FLNB: variants seen among roughly 807,000 people sequenced by gnomAD.
FLNB encodes filamin B.
Under a neutral mutation model 250.6 loss-of-function variants are expected in FLNB, and 111 were observed. The ratio of observed to expected loss-of-function variants is 0.44; its 90% confidence interval spans 0.38 to 0.52. The LOEUF (loss-of-function observed/expected upper bound fraction) is 0.52, where lower values mean the gene tolerates loss of function less well. FLNB is among the 20% of genes least tolerant of loss of function. The pLI is 0.00. For missense variants in FLNB, 2,869 were observed against 3,447.8 expected (o/e 0.83, Z 4.20); for synonymous variants, 1,302 against 1,372.1 (o/e 0.95, Z 1.13).
At chr3:58,061,772 A>G (rs2097178936) in intron 1 of FLNB, among the ~76,000 whole-genome samples, 2 of 150,280 alleles carry the variant, frequency 1.3e-5, no homozygotes, top group Admixed American at 1.3e-4. Flanking sequence ...AAAAAGTAAC[A>G]TATGTAGTTT....
intron 1 of FLNB, among the ~76,000 whole-genome samples, chr3:58,061,964 G>A (rs987801839): frequency 4.0e-5 from 6 of 151,728 alleles, no homozygotes; most frequent in African/African-American, 7.3e-5. Flanking sequence ...GATGGGGGGC[G>A]CCTGTAATCC....
rs1286882304 is a variant in FLNB, at chr3:58,121,446, C to T, written c.3069C>T (p.His1023=). 1 of 1,614,118 alleles carries T rather than the reference C, an allele frequency of 6.2e-7. No homozygotes were observed. ...CTGTAGACGTGACCTACGATGGACACCCTGTGCCCGGGAGCCCCTACACAG... is the reference window on the plus strand; with the variant it reads ...CTGTAGACGTGACCTACGATGGACATCCTGTGCCCGGGAGCCCCTACACAG... ...LYAVDVTYDG[H]PVPGSPYTVE... is the part of the protein sequence containing the mutation. The change falls in exon 20 of 46, where the codon CAC becomes CAT. Residue 1023 remains histidine (H), a synonymous_variant. Transcript: ENST00000295956.
intron 34 of FLNB, among the ~76,000 whole-genome samples, chr3:58,147,951 A>C (rs567058912): frequency 3.9e-5 from 6 of 152,276 alleles, no homozygotes; most frequent in African/African-American, 1.4e-4. Context: ...TGGCCCAAAG[A>C]TTCCTTTAAA....
chr3:58,135,126 A>T (rs1054323963), intron 27 of FLNB, among the ~76,000 whole-genome samples: 3 of 152,108 alleles, frequency 2.0e-5, no homozygotes, highest in African/African-American at 7.2e-5. Context: ...AAGTGCTGGG[A>T]TTGCAGACAT....
At chr3:58,117,227 C>T (rs764504009) in intron 18 of FLNB, among the ~76,000 whole-genome samples, 5 of 152,176 alleles carry the variant, frequency 3.3e-5, no homozygotes, top group Non-Finnish European at 5.9e-5. Flanking sequence ...TAGTTGGGGC[C>T]TCAGGGGACA....
At chr3:58,103,065 T>C (rs1210940940) in intron 9 of FLNB, among the ~76,000 whole-genome samples, 2 of 152,196 alleles carry the variant, frequency 1.3e-5, no homozygotes, top group African/African-American at 4.8e-5. Context: ...TGTACCAGGA[T>C]TGCTCTTACC....
intron 1 of FLNB, among the ~76,000 whole-genome samples, chr3:58,029,465 G>T (rs548636158): frequency 6.6e-6 from 1 of 151,018 alleles, no homozygotes; most frequent in Non-Finnish European, 1.5e-5. Context: ...CTTCTGTTGG[G>T]TTTTTTGGGA....
At position 58,112,187 on chromosome 3, in the gene FLNB, A is replaced by C; in HGVS notation, c.2614A>C (p.Thr872Pro). 6.2e-7 allele frequency: 1 copy of C among 1,614,140 alleles called. No homozygotes were observed. The highest frequency in any genetic ancestry group is 8.5e-7 in the Non-Finnish European group (1 of 1,180,014). The change falls in exon 18 of 46, where the codon ACC (threonine) becomes CCC (proline). Residue 872 changes from threonine (T) to proline (P), a missense_variant. This residue lies in a region of FLNB where 1,348 missense variants were observed against 1,466.7 expected (regional missense o/e 0.92). Coordinates refer to ENST00000295956, the MANE Select transcript of FLNB (RefSeq NM_001457.4). ...GAAACCGACCCACTTCACTGTCTAC[A>C]CCAAGGGGGCTGGGAAAGCCCCGCT... Reference protein sequence around the residue: ...NGKPTHFTVYTKGAGKAPLNV... With the variant: ...NGKPTHFTVYPKGAGKAPLNV...
chr3:58,094,034 A>G (rs895870354), intron 4 of FLNB, among the ~76,000 whole-genome samples: 1 of 152,156 alleles, frequency 6.6e-6, no homozygotes, highest in South Asian at 2.1e-4. Context: ...CTCTATTTTG[A>G]TTGTATCAAC....
Position 58,098,773 on chromosome 3 carries a change from T to G in FLNB, c.1210T>G (p.Leu404Val), listed in dbSNP as rs752136994. The G allele has an allele frequency of 6.2e-7, 1 of 1,613,888 alleles. No individual in the cohort carries two copies. The highest frequency in any genetic ancestry group is 1.1e-5 in the South Asian group (1 of 91,062). The change falls in exon 8 of 46, where the codon TTG (leucine) becomes GTG (valine). Residue 404 changes from leucine to valine, a missense_variant. Around this residue, in one of 5 missense-constraint regions of FLNB, gnomAD observed 1,348 missense variants for 1,466.7 expected, o/e 0.92. Transcript: ENST00000295956. ...TCCCCAGGGGAAGAACACCGTGGAG[T>G]TGCTCGTGGAAGACAAAGGAAACCA... ...EDPQGKNTVE[L>V]LVEDKGNQVY...
At chr3:58,092,464 GGA>G (rs1324110558) in intron 4 of FLNB, among the ~76,000 whole-genome samples, 1 of 152,004 alleles carries the variant, frequency 6.6e-6, no homozygotes, top group Non-Finnish European at 1.5e-5. Context: ...GGCAACATAG[GGA>G]GATTGCATCT....
chr3:58,084,114 C>T (rs546492804), intron 4 of FLNB, among the ~76,000 whole-genome samples: 2 of 151,746 alleles, frequency 1.3e-5, no homozygotes, highest in South Asian at 4.2e-4. Context: ...ATTGCTTGAA[C>T]CTGGGAGGCG....
Position 58,138,200 on chromosome 3 carries a change from A to G in FLNB, c.4862-82A>G, listed in dbSNP as rs1471558970. On this transcript the variant is annotated intron_variant, in intron 28 of 45. Coordinates refer to ENST00000295956, the MANE Select transcript of FLNB (RefSeq NM_001457.4). ...AGGCCTAACATTTACAGGCACAGACAACATGGATGGGTATGATTTGTTCTT... is the reference window on the plus strand; with the variant it reads ...AGGCCTAACATTTACAGGCACAGACGACATGGATGGGTATGATTTGTTCTT... The G allele has an allele frequency of 6.3e-6, 10 of 1,589,108 alleles. No individual in the cohort carries two copies. The East Asian group carries it at 8.9e-5, about 14-fold the overall frequency.
chr3:58,134,608 C>G lies in FLNB; in HGVS notation c.4515-8C>G. Reference sequence around the variant, plus strand: ...TTGACTAGGGTGTGTGTGTGTGTGTCTATCAAGTCCCTTCAAGGTCAAGGT... The same window carrying G: ...TTGACTAGGGTGTGTGTGTGTGTGTGTATCAAGTCCCTTCAAGGTCAAGGT... On this transcript the variant is annotated splice_region_variant and splice_polypyrimidine_tract_variant and intron_variant, in intron 26 of 45. Coordinates refer to ENST00000295956, the MANE Select transcript of FLNB (RefSeq NM_001457.4). The G allele has an allele frequency of 1.9e-6, 3 of 1,613,714 alleles. No individual in the cohort carries two copies. Among genetic ancestry groups the G allele is most frequent in the Middle Eastern group, 1.7e-4 (1 of 6,052 alleles).
chr3:58,090,839 A>G lies in FLNB; in HGVS notation c.788-3997A>G, dbSNP rs544194907. Among the ~76,000 whole-genome samples, 8 of 152,254 alleles carry G rather than the reference A, an allele frequency of 5.3e-5. No homozygotes were observed. The East Asian group carries it at 1.4e-3, about 26-fold the overall frequency. Reference sequence around the variant, plus strand: ...GTAATCCCAGCACTTTGGGAGGCCGAGGTGGGCGATGGGCGGATCATGAGG... The same window carrying G: ...GTAATCCCAGCACTTTGGGAGGCCGGGGTGGGCGATGGGCGGATCATGAGG... On this transcript the variant is annotated intron_variant, in intron 4 of 45. Coordinates refer to ENST00000295956, the MANE Select transcript of FLNB (RefSeq NM_001457.4).
At chr3:58,019,264 C>T (rs142776518) in intron 1 of FLNB, among the ~76,000 whole-genome samples, 7 of 152,300 alleles carry the variant, frequency 4.6e-5, no homozygotes, top group East Asian at 3.9e-4. Context: ...TATTTCTGTA[C>T]GCCAATGAGA....
chr3:58,146,083 G>C, intron 33 of FLNB, 34 bp downstream of exon 33: 6 of 1,613,286 alleles, frequency 3.7e-6, no homozygotes, highest in Non-Finnish European at 5.1e-6. Flanking sequence ...TACGCCTCCA[G>C]CTGTCCATTT....
At chr3:58,168,862 G>C (rs753069309) in intron 44 of FLNB, 69 of 615,752 alleles carry the variant, frequency 1.1e-4, no homozygotes, top group African/African-American at 2.9e-4. Flanking sequence ...AGTTGAGAAA[G>C]CATGTTAGGA....
At position 58,093,913 on chromosome 3, in the gene FLNB, A is replaced by G. The variant is rs542993160; in HGVS notation, c.788-923A>G. Among the ~76,000 whole-genome samples the G allele has an allele frequency of 1.8e-4, 28 of 152,330 alleles. No homozygotes were observed. The South Asian group carries it at 5.6e-3, about 30-fold the overall frequency. ...GATTCCATTGATGTGACGTTACCGA[A>G]ATAATAAAATTACAGTGTGGAGAAC... is the stretch of plus-strand genomic sequence containing the variant. On this transcript the variant is annotated intron_variant, in intron 4 of 45. Coordinates refer to ENST00000295956, the MANE Select transcript of FLNB (RefSeq NM_001457.4).
Sources: allele counts gnomAD v4.1 joint callset (sites outside exome capture counted in the v4.1 genomes callset), GRCh38; gene constraint gnomAD v4.1.1; regional missense constraint gnomAD v4.1.1; transcripts MANE v1.5; gene names NCBI Gene and HGNC (gene_info 2026-07-23, HGNC 2026-07-21).